BBX: variants seen among roughly 807,000 people sequenced by gnomAD.
The protein encoded by BBX is HMG box transcription factor BBX.
Under a neutral mutation model 100.2 loss-of-function variants are expected in BBX, and 30 were observed. The ratio of observed to expected loss-of-function variants is 0.30; its 90% CI spans 0.22 to 0.41. The LOEUF (loss-of-function observed/expected upper bound fraction) is 0.41, where lower values mean the gene tolerates loss of function less well. BBX is among the 10% of genes least tolerant of loss of function. The pLI, the probability that BBX is intolerant of heterozygous loss-of-function variation, is 1.00. For missense variants in BBX, 1,023 were observed against 1,129.8 expected (o/e 0.91, Z 1.35); for synonymous variants, 376 against 388.1 (o/e 0.97, Z 0.37).
intron 2 of BBX, among the ~76,000 whole-genome samples, chr3:107,583,806 C>A (rs1188848195): frequency 7.2e-6 from 1 of 138,324 alleles, no homozygotes; most frequent in Non-Finnish European, 1.5e-5. Flanking sequence ...GCAAAATAGT[C>A]CTCAGTTTTA....
intron 5 of BBX, among the ~76,000 whole-genome samples, chr3:107,724,972 G>A (rs938966440): frequency 1.1e-4 from 16 of 152,288 alleles, no homozygotes; most frequent in South Asian, 4.1e-4. Context: ...GATAGGGATC[G>A]CATTGAATCT....
At chr3:107,762,487 A>G (rs916060952) in intron 10 of BBX, among the ~76,000 whole-genome samples, 6 of 152,204 alleles carry the variant, frequency 3.9e-5, no homozygotes, top group Admixed American at 2.0e-4. Context: ...ACCAGTGTAT[A>G]TTTCTCTGGC....
At chr3:107,698,024 C>T (rs558015049) in intron 3 of BBX, among the ~76,000 whole-genome samples, 8 of 152,034 alleles carry the variant, frequency 5.3e-5, no homozygotes, top group South Asian at 4.1e-4. Flanking sequence ...TTGCGCTTCC[C>T]GAGTGAGGCA....
At chr3:107,568,431 A>T (rs1185160318) in intron 2 of BBX, among the ~76,000 whole-genome samples, 2 of 151,724 alleles carry the variant, frequency 1.3e-5, no homozygotes, top group Non-Finnish European at 2.9e-5. Context: ...CGCTTGGCTA[A>T]TTTTTTGTAT....
In BBX at chr3:107,810,733, C is replaced by T. The variant is rs937116765; in HGVS notation, c.*5276C>T. On this transcript the variant is annotated 3_prime_UTR_variant, in exon 18 of 18. Transcript: ENST00000325805. ...TCCATTTCATTAGCACTAAACAAGTCTCTTGCTCTCAGGAATTTGTCAGAA... is the reference window on the plus strand; with the variant it reads ...TCCATTTCATTAGCACTAAACAAGTTTCTTGCTCTCAGGAATTTGTCAGAA... 7.2e-5 allele frequency: 11 copies of T among 152,318 alleles called. No individual in the cohort carries two copies. Among genetic ancestry groups the T allele is most frequent in the Admixed American group, 7.2e-4 (11 of 15,300 alleles). The allele number at this position is 152,318 out of a possible 1,614,324, so 9.4% of individuals were successfully genotyped here.
chr3:107,783,232 C>T (rs935031399), intron 13 of BBX, among the ~76,000 whole-genome samples: 4 of 152,080 alleles, frequency 2.6e-5, no homozygotes, highest in East Asian at 1.9e-4. Flanking sequence ...TATTTGTTTT[C>T]GAGTTTGTCA....
At chr3:107,524,568 GT>G (rs1361760161) in intron 1 of BBX, 1 of 135,714 alleles carries the variant, frequency 7.4e-6, no homozygotes, top group Non-Finnish European at 1.6e-5. Context: ...AATGAGGAAG[GT>G]AAAACGAAAC....
intron 2 of BBX, among the ~76,000 whole-genome samples, chr3:107,640,854 G>T (rs977930286): frequency 6.6e-6 from 1 of 152,048 alleles, no homozygotes; most frequent in Non-Finnish European, 1.5e-5. Context: ...TAGAGACAAG[G>T]TTTCTCCATG....
At chr3:107,704,305 A>G (rs1488066559) in intron 3 of BBX, among the ~76,000 whole-genome samples, 1 of 152,258 alleles carries the variant, frequency 6.6e-6, no homozygotes, top group Non-Finnish European at 1.5e-5. Flanking sequence ...TTATAAGCCA[A>G]TAAATACCCT....
At chr3:107,652,759 G>A (rs1252924514) in intron 3 of BBX, among the ~76,000 whole-genome samples, 2 of 152,058 alleles carry the variant, frequency 1.3e-5, no homozygotes, top group Non-Finnish European at 2.9e-5. Context: ...GATCTAAGGC[G>A]GGGAACTTGC....
chr3:107,791,368 T>G, intron 15 of BBX, 69 bp downstream of exon 15: 1 of 1,326,376 alleles, frequency 7.5e-7, no homozygotes, highest in Non-Finnish European at 1.1e-6. Flanking sequence ...TATAGGTTTT[T>G]AAAAGGTATA....
At chr3:107,595,325 G>A (rs889078513) in intron 2 of BBX, among the ~76,000 whole-genome samples, 3 of 152,144 alleles carry the variant, frequency 2.0e-5, no homozygotes, top group Non-Finnish European at 4.4e-5. Flanking sequence ...AAGGGGCCTA[G>A]CTTACCATAT....
At chr3:107,757,077 A>G (rs2065536429) in intron 10 of BBX, among the ~76,000 whole-genome samples, 3 of 152,108 alleles carry the variant, frequency 2.0e-5, no homozygotes, top group African/African-American at 7.2e-5. Context: ...TGCTGGTTAT[A>G]TAATTGCATG....
chr3:107,636,627 G>A (rs946790552), intron 2 of BBX, among the ~76,000 whole-genome samples: 13 of 152,102 alleles, frequency 8.5e-5, no homozygotes, highest in African/African-American at 3.1e-4. Context: ...TATAATTGGT[G>A]CCCCCGGAGT....
chr3:107,690,651 T>C (rs1235218592), intron 3 of BBX, among the ~76,000 whole-genome samples: 1 of 152,118 alleles, frequency 6.6e-6, no homozygotes, highest in Non-Finnish European at 1.5e-5. Flanking sequence ...TTTTTGGTAT[T>C]ATAAAGCATT....
intron 3 of BBX, among the ~76,000 whole-genome samples, chr3:107,649,338 G>A (rs971155535): frequency 6.6e-6 from 1 of 152,134 alleles, no homozygotes; most frequent in African/African-American, 2.4e-5. Flanking sequence ...AGACACTATA[G>A]CAAAACATGG....
chr3:107,533,149 G>A (rs1013117146), intron 2 of BBX, among the ~76,000 whole-genome samples: 2 of 152,076 alleles, frequency 1.3e-5, no homozygotes, highest in African/African-American at 4.8e-5. Context: ...GATATAGCTA[G>A]GAATGTTATG....
At chr3:107,533,399 A>G (rs940029165) in intron 2 of BBX, among the ~76,000 whole-genome samples, 2 of 152,348 alleles carry the variant, frequency 1.3e-5, no homozygotes, top group East Asian at 1.9e-4. Context: ...ACAAATGATG[A>G]AAGATTTTTT....
chr3:107,706,632 C>T (rs546524637), intron 3 of BBX, among the ~76,000 whole-genome samples: 1 of 152,086 alleles, frequency 6.6e-6, no homozygotes, highest in Non-Finnish European at 1.5e-5. Context: ...GGAAGAATAA[C>T]GTCTTTTGAA....
Sources: allele counts gnomAD v4.1 joint callset (sites outside exome capture counted in the v4.1 genomes callset), GRCh38; gene constraint gnomAD v4.1.1; transcripts MANE v1.5; gene names NCBI Gene and HGNC (gene_info 2026-07-23, HGNC 2026-07-21).